BPNT1: variants seen among roughly 807,000 people sequenced by gnomAD.
The protein encoded by BPNT1 is 3'(2'), 5'-bisphosphate nucleotidase 1.
A neutral mutation model predicts 36.9 loss-of-function variants in BPNT1; 28 were observed. The ratio of observed to expected loss-of-function variants is 0.76; its 90% CI spans 0.56 to 1.04. The LOEUF is 1.04. Among genes scored for constraint, BPNT1 ranks in the 50% least tolerant of loss-of-function variants. The pLI is 0.00. For missense variants in BPNT1, 313 were observed against 372.9 expected, an observed-to-expected ratio of 0.84 and a Z score of 1.32; for synonymous variants, 119 against 130.9, an observed-to-expected ratio of 0.91 and a Z score of 0.62.
At position 220,058,681 on chromosome 1, in the gene BPNT1, G is replaced by T; in HGVS notation, c.*163C>A. On this transcript the variant is annotated 3_prime_UTR_variant, in exon 9 of 9. Transcript: ENST00000322067. ...CAAGTAGCTGGGATGACAGGCGCAT[G>T]ACAGGATGCCCAGTTAATTTGTATT... The T allele has an allele frequency of 2.6e-6, 2 of 783,708 alleles. No homozygotes were observed. The highest frequency in any genetic ancestry group is 3.8e-6 in the Non-Finnish European group (2 of 522,110). The allele number at this position is 783,708 out of a possible 1,614,324, so 48.5% of individuals were successfully genotyped here.
chr1:220,072,761 A>T, intron 4 of BPNT1, 89 bp downstream of exon 4: 1 of 1,101,104 alleles, frequency 9.1e-7, no homozygotes, highest in Non-Finnish European at 1.4e-6. Context: ...TATAACTACC[A>T]ATTTTTCATC....
chr1:220,062,720 C>T (rs770055928), intron 7 of BPNT1, 37 bp downstream of exon 7: 1 of 1,599,200 alleles, frequency 6.3e-7, no homozygotes, highest in Non-Finnish European at 8.6e-7. Flanking sequence ...CAATGATTCA[C>T]TTGCACTTCA....
chr1:220,067,918 C>T (rs1374174414), intron 5 of BPNT1, among the ~76,000 whole-genome samples: 3 of 152,138 alleles, frequency 2.0e-5, no homozygotes, highest in Non-Finnish European at 2.9e-5. Flanking sequence ...CCTAAATAAG[C>T]TTTCTAGGTG....
intron 1 of BPNT1, among the ~76,000 whole-genome samples, chr1:220,084,042 G>C (rs1333840085): frequency 6.6e-6 from 1 of 152,084 alleles, no homozygotes; most frequent in African/African-American, 2.4e-5. Flanking sequence ...ATAGAAAACA[G>C]AGAAATAGGG....
chr1:220,066,617 T>C (rs1013546601), intron 6 of BPNT1, among the ~76,000 whole-genome samples: 1 of 152,222 alleles, frequency 6.6e-6, no homozygotes, highest in South Asian at 2.1e-4. Context: ...CAATTTCCTA[T>C]ACAATTTAAT....
At chr1:220,087,631 C>T (rs1480610933) in intron 1 of BPNT1, among the ~76,000 whole-genome samples, 1 of 152,002 alleles carries the variant, frequency 6.6e-6, no homozygotes, top group Non-Finnish European at 1.5e-5. Context: ...ACTAAATAAA[C>T]AGGTACTTGA....
At chr1:220,082,159 T>G (rs1655231195) in intron 1 of BPNT1, among the ~76,000 whole-genome samples, 2 of 143,770 alleles carry the variant, frequency 1.4e-5, no homozygotes, top group Non-Finnish European at 3.0e-5. Flanking sequence ...ATATATGTAT[T>G]TTATATATAT....
chr1:220,058,800 A>G lies in BPNT1; in HGVS notation c.*44T>C. The G allele has an allele frequency of 6.3e-7, 1 of 1,586,032 alleles. No homozygotes were observed. Among genetic ancestry groups the G allele is most frequent in the Non-Finnish European group, 8.6e-7 (1 of 1,156,728 alleles). On this transcript the variant is annotated 3_prime_UTR_variant, in exon 9 of 9. Coordinates refer to ENST00000322067, the MANE Select transcript of BPNT1 (RefSeq NM_006085.6). The stretch of plus-strand genomic sequence containing the variant: ...TGCCTCGGCCTCCCAAAGTGCTGGG[A>G]TTACAGGCATGAGCCACCGCGCCCG...
At chr1:220,087,397 A>T (rs1655837169) in intron 1 of BPNT1, among the ~76,000 whole-genome samples, 1 of 152,020 alleles carries the variant, frequency 6.6e-6, no homozygotes, top group Admixed American at 6.6e-5. Flanking sequence ...TCTACTAAAA[A>T]TACAAAAATT....
intron 2 of BPNT1, among the ~76,000 whole-genome samples, chr1:220,078,465 AAATAATTTATAATAAAT>A (rs906745874): frequency 9.0e-6 from 1 of 111,688 alleles, no homozygotes; most frequent in African/African-American, 3.8e-5. Context: ...TATAAATAAT[AAATAATTTATAATAAAT>A]AATAATTTAT....
Position 220,072,912 on chromosome 1 carries a change from G to C in BPNT1, c.271C>G (p.Gln91Glu), listed in dbSNP as rs1208668879. The C allele has an allele frequency of 3.7e-6, 6 of 1,614,122 alleles. No individual in the cohort carries two copies. The Admixed American group carries it at 1.0e-4, about 27-fold the overall frequency. The change falls in exon 4 of 9, where the codon CAG (glutamine) becomes GAG (glutamate). Residue 91 changes from glutamine to glutamate, a missense_variant. Transcript: ENST00000322067. ...EVDQELIEDS[Q>E]WEEILKQPCP... ...GGTTGCTTCAGTATTTCTTCCCACT[G>C]ACTGTCTTCAATCAGCTCTTGATCC...
In BPNT1 at chr1:220,079,766, TCTGA is replaced by T; in HGVS notation, c.77_80del (p.Val26AspfsTer30). 6.2e-7 allele frequency: 1 copy of T among 1,614,182 alleles called. No individual in the cohort carries two copies. The highest frequency in any genetic ancestry group is 8.5e-7 in the Non-Finnish European group (1 of 1,180,012). On this transcript the variant is annotated frameshift_variant, in exon 2 of 9. Coordinates refer to ENST00000322067, the MANE Select transcript of BPNT1 (RefSeq NM_006085.6). LOFTEE classifies it high-confidence loss of function. The stretch of plus-strand genomic sequence containing the variant: ...CCAGGTCTCCTTCAGCAATAACACG[TCTGA>T]CTATCATTCCTGCCTTTTGAGCAAT...
At chr1:220,069,936 CAAA>C (rs35431487) in intron 4 of BPNT1, among the ~76,000 whole-genome samples, 1 of 147,884 alleles carries the variant, frequency 6.8e-6, no homozygotes. Context: ...AACTCCATCT[CAAA>C]AAAAAAAAAT....
chr1:220,076,552 G>A (rs1664565975), intron 2 of BPNT1, among the ~76,000 whole-genome samples: 1 of 150,250 alleles, frequency 6.7e-6, no homozygotes, highest in Non-Finnish European at 1.5e-5. Context: ...GGATGTGGTG[G>A]CACATGCCTG....
intron 2 of BPNT1, among the ~76,000 whole-genome samples, chr1:220,078,496 A>G (rs888260345): frequency 1.4e-5 from 2 of 141,884 alleles, no homozygotes; most frequent in East Asian, 2.0e-4. Context: ...AATTTATAAT[A>G]AATTTTATAT....
chr1:220,077,530 T>C (rs1400698089), intron 2 of BPNT1, among the ~76,000 whole-genome samples: 1 of 152,120 alleles, frequency 6.6e-6, no homozygotes, highest in East Asian at 1.9e-4. Flanking sequence ...CTTCCCAAGC[T>C]AGGACTACAA....
chr1:220,076,731 A>ATAG (rs926119288), intron 2 of BPNT1, among the ~76,000 whole-genome samples: 6 of 149,784 alleles, frequency 4.0e-5, no homozygotes, highest in South Asian at 2.1e-4. Flanking sequence ...AATAATAATA[A>ATAG]TAGTAGTAGC....
intron 4 of BPNT1, among the ~76,000 whole-genome samples, chr1:220,071,630 T>C (rs1429556626): frequency 6.6e-6 from 1 of 152,156 alleles, no homozygotes; most frequent in Non-Finnish European, 1.5e-5. Flanking sequence ...AGGATAGACA[T>C]ATAGACCAAT....
intron 5 of BPNT1, among the ~76,000 whole-genome samples, chr1:220,068,434 G>C (rs1049913626): frequency 1.3e-5 from 2 of 151,538 alleles, no homozygotes; most frequent in East Asian, 2.0e-4. Flanking sequence ...TGCCCACCTC[G>C]GCCTCCCAAA....
Sources: gnomAD v4.1 joint callset for allele counts (sites outside exome capture counted in the v4.1 genomes callset) on GRCh38, gnomAD v4.1.1 for gene constraint, MANE v1.5 for transcripts, NCBI Gene and HGNC (gene_info 2026-07-23, HGNC 2026-07-21) for gene names.